The following MIR2052HG variants were observed in gnomAD, a reference collection of about 807,000 sequenced individuals.
The protein encoded by MIR2052HG is MIR2052 host gene.
intron 2 of MIR2052HG, among the ~76,000 whole-genome samples, chr8:74,638,910 G>T (rs1246776619): frequency 6.6e-6 from 1 of 152,156 alleles, no homozygotes; most frequent in Non-Finnish European, 1.5e-5. Context: ...GAGTGAGAAG[G>T]TTGAAAGGCT....
intron 4 of MIR2052HG, among the ~76,000 whole-genome samples, chr8:74,740,389 A>G (rs1156898812): frequency 3.3e-5 from 5 of 152,062 alleles, no homozygotes; most frequent in Non-Finnish European, 7.4e-5. Context: ...GCTTGAACCC[A>G]GGAGGTGGAG....
chr8:74,728,034 T>C (rs965570911), intron 4 of MIR2052HG, among the ~76,000 whole-genome samples: 1 of 152,240 alleles, frequency 6.6e-6, no homozygotes, highest in African/African-American at 2.4e-5. Context: ...TCAATTACAG[T>C]ACTAGGCAAG....
chr8:74,696,164 A>C (rs1809293948), intron 2 of MIR2052HG, among the ~76,000 whole-genome samples: 1 of 152,078 alleles, frequency 6.6e-6, no homozygotes, highest in Admixed American at 6.6e-5. Context: ...TCAACTCCAA[A>C]AGGAACCCTC....
At chr8:74,615,366 C>T (rs1808264796) in intron 2 of MIR2052HG, among the ~76,000 whole-genome samples, 1 of 152,196 alleles carries the variant, frequency 6.6e-6, no homozygotes. Flanking sequence ...AAGATTATTG[C>T]AGCCAGAAGC....
intron 2 of MIR2052HG, among the ~76,000 whole-genome samples, chr8:74,651,360 C>T (rs958280470): frequency 6.6e-6 from 1 of 151,918 alleles, no homozygotes; most frequent in Non-Finnish European, 1.5e-5. Context: ...ATGTGTTTGA[C>T]AGGTAATGGT....
At chr8:74,721,560 C>G (rs768813337) in intron 4 of MIR2052HG, among the ~76,000 whole-genome samples, 2 of 152,204 alleles carry the variant, frequency 1.3e-5, no homozygotes, top group Non-Finnish European at 2.9e-5. Context: ...CACGAAGTTT[C>G]TCTCTCCACA....
intron 2 of MIR2052HG, among the ~76,000 whole-genome samples, chr8:74,638,150 T>C (rs1808602388): frequency 6.6e-6 from 1 of 152,086 alleles, no homozygotes; most frequent in Admixed American, 6.6e-5. Flanking sequence ...ATCAGAGGGA[T>C]GGTTGATGGA....
chr8:74,688,943 T>A (rs1002897471), intron 2 of MIR2052HG, among the ~76,000 whole-genome samples: 2 of 152,224 alleles, frequency 1.3e-5, no homozygotes, highest in Admixed American at 6.5e-5. Context: ...ACTTCCTTTT[T>A]AAAATGAAGG....
At chr8:74,633,089 G>A (rs1808537340) in intron 2 of MIR2052HG, 1 of 152,538 alleles carries the variant, frequency 6.6e-6, no homozygotes, top group South Asian at 2.1e-4. Flanking sequence ...GCTTGATCAT[G>A]GCTCACTGCA....
intron 2 of MIR2052HG, among the ~76,000 whole-genome samples, chr8:74,675,775 G>A (rs902279163): frequency 4.0e-5 from 6 of 151,846 alleles, no homozygotes; most frequent in Non-Finnish European, 7.4e-5. Context: ...AAATAGATAG[G>A]AAGACATTTA....
At chr8:74,644,255 G>A (rs933437081) in intron 2 of MIR2052HG, among the ~76,000 whole-genome samples, 2 of 152,186 alleles carry the variant, frequency 1.3e-5, no homozygotes, top group African/African-American at 2.4e-5. Flanking sequence ...TAACATACGC[G>A]ACAGTGGTCC....
intron 2 of MIR2052HG, among the ~76,000 whole-genome samples, chr8:74,688,804 C>T (rs1165882730): frequency 6.6e-6 from 1 of 152,006 alleles, no homozygotes; most frequent in African/African-American, 2.4e-5. Flanking sequence ...TTTTATCCCT[C>T]GCCCCCATCC....
intron 5 of MIR2052HG, chr8:74,752,676 C>T (rs890404573): frequency 3.1e-6 from 1 of 327,252 alleles, no homozygotes; most frequent in African/African-American, 2.2e-5. Flanking sequence ...ATTGCAGATG[C>T]CTAGAAAAAT....
chr8:74,723,999 A>G (rs986000655), intron 4 of MIR2052HG, among the ~76,000 whole-genome samples: 7 of 152,128 alleles, frequency 4.6e-5, no homozygotes, highest in African/African-American at 1.4e-4. Flanking sequence ...TTTCAGGGAT[A>G]TTTTATCATC....
intron 2 of MIR2052HG, among the ~76,000 whole-genome samples, chr8:74,692,912 T>C (rs926754071): frequency 6.6e-6 from 1 of 152,200 alleles, no homozygotes; most frequent in African/African-American, 2.4e-5. Flanking sequence ...TATTTTTCTT[T>C]CTCGGGGTAT....
intron 4 of MIR2052HG, among the ~76,000 whole-genome samples, chr8:74,715,568 A>G (rs570177661): frequency 1.3e-5 from 2 of 152,332 alleles, no homozygotes; most frequent in East Asian, 3.9e-4. Flanking sequence ...ATTTAAATGG[A>G]CATCTTGGTC....
chr8:74,751,546 G>GA (rs1378627187), intron 4 of MIR2052HG, among the ~76,000 whole-genome samples: 2 of 152,048 alleles, frequency 1.3e-5, no homozygotes, highest in Non-Finnish European at 2.9e-5. Context: ...GGCTTATAGG[G>GA]ATCTAACTCT....
chr8:74,723,668 T>A (rs985948207), intron 4 of MIR2052HG, among the ~76,000 whole-genome samples: 1 of 152,178 alleles, frequency 6.6e-6, no homozygotes, highest in African/African-American at 2.4e-5. Context: ...TAGTTGGCCA[T>A]CTTGCACATT....
intron 2 of MIR2052HG, among the ~76,000 whole-genome samples, chr8:74,694,627 T>C (rs1809277322): frequency 6.6e-6 from 1 of 151,962 alleles, no homozygotes; most frequent in Admixed American, 6.6e-5. Context: ...TCCAGAGAAA[T>C]AGATAGCATA....
Sources: gnomAD v4.1 joint callset for allele counts (sites outside exome capture counted in the v4.1 genomes callset) on GRCh38, gnomAD v4.1.1 for gene constraint, MANE v1.5 for transcripts, NCBI Gene and HGNC (gene_info 2026-07-23, HGNC 2026-07-21) for gene names.